Variants in NTM observed in about 807,000 individuals in gnomAD.
NTM encodes neurotrimin, also known as IgLON family member 2.
NTM carries 13 observed loss-of-function variants against 42.1 expected under a neutral mutation model. The ratio of observed to expected loss-of-function variants is 0.31; its 90% CI spans 0.20 to 0.49. The LOEUF is 0.49. Among genes scored for constraint, NTM ranks in the 20% least tolerant of loss-of-function variants. The pLI is 0.99. For synonymous variants in NTM, 187 were observed against 179.2 expected (o/e 1.04, Z -0.35); for missense variants, 373 against 452.8 (o/e 0.82, Z 1.60).
At chr11:131,500,571 A>T (rs1591841361) in intron 1 of NTM, among the ~76,000 whole-genome samples, 1 of 85,328 alleles carries the variant, frequency 1.2e-5, no homozygotes, top group African/African-American at 4.1e-5. Flanking sequence ...ATATATATAT[A>T]TATATATTTT....
intron 1 of NTM, among the ~76,000 whole-genome samples, chr11:131,682,340 A>G (rs1269853064): frequency 1.3e-5 from 2 of 152,174 alleles, no homozygotes; most frequent in Non-Finnish European, 2.9e-5. Context: ...CTGTACAAAA[A>G]CAGCAGCTGT....
At chr11:131,621,203 A>G (rs2062495787) in intron 1 of NTM, among the ~76,000 whole-genome samples, 1 of 152,222 alleles carries the variant, frequency 6.6e-6, no homozygotes, top group Admixed American at 6.5e-5. Context: ...ACGTCTGTGT[A>G]TTCACTGGCC....
intron 1 of NTM, among the ~76,000 whole-genome samples, chr11:131,692,236 G>A (rs1346401248): frequency 6.6e-6 from 1 of 152,118 alleles, no homozygotes; most frequent in Non-Finnish European, 1.5e-5. Flanking sequence ...CAGACCTCTG[G>A]GTGATGCTGG....
Position 132,335,131 on chromosome 11 carries a change from G to A in NTM, c.1053G>A (p.Leu351=), listed in dbSNP as rs187818748. Residue 351 remains leucine, a synonymous_variant, in exon 9 of 9, where the codon CTG becomes CTA. Coordinates refer to ENST00000683400, the MANE Select transcript of NTM (RefSeq NM_001352005.2). ...TGCTGCCTCTTCTGGTCTTGCACCTGCTTCTCAAATTTTGATGTGAGTGCC... is the reference window on the plus strand; with the variant it reads ...TGCTGCCTCTTCTGGTCTTGCACCTACTTCTCAAATTTTGATGTGAGTGCC... ...VWLLPLLVLH[L]LLKF 44 of 1,612,508 alleles carry A rather than the reference G, an allele frequency of 2.7e-5. No individual in the cohort carries two copies. Among genetic ancestry groups the A allele is most frequent in the Non-Finnish European group, 3.6e-5 (42 of 1,179,982 alleles).
At chr11:131,726,864 C>T (rs1167404440) in intron 1 of NTM, among the ~76,000 whole-genome samples, 1 of 151,296 alleles carries the variant, frequency 6.6e-6, no homozygotes, top group Admixed American at 6.6e-5. Flanking sequence ...CAGGTGTGCA[C>T]CACCATGCAT....
chr11:131,541,273 C>A (rs2053207800), intron 1 of NTM, among the ~76,000 whole-genome samples: 1 of 152,178 alleles, frequency 6.6e-6, no homozygotes, highest in African/African-American at 2.4e-5. Context: ...TCATCCCGAA[C>A]CCAGCACTAA....
chr11:132,272,180 C>T (rs1015510866), intron 4 of NTM, among the ~76,000 whole-genome samples: 2 of 152,102 alleles, frequency 1.3e-5, no homozygotes, highest in Non-Finnish European at 2.9e-5. Context: ...ATCATTTGAT[C>T]ATAACTGTGG....
chr11:131,640,902 G>C (rs1012749570), intron 1 of NTM, among the ~76,000 whole-genome samples: 1 of 152,130 alleles, frequency 6.6e-6, no homozygotes, highest in African/African-American at 2.4e-5. Context: ...TGCTCACCAG[G>C]CTACAGAATT....
chr11:132,061,854 T>C (rs144988812), intron 2 of NTM, among the ~76,000 whole-genome samples: 1,995 of 152,268 alleles, frequency 0.013, 22 homozygotes, highest in Non-Finnish European at 0.022. Flanking sequence ...CTCCATTTTT[T>C]AAAGATTTTT....
At chr11:131,968,316 CAG>C (rs2063097171) in intron 2 of NTM, among the ~76,000 whole-genome samples, 1 of 152,164 alleles carries the variant, frequency 6.6e-6, no homozygotes. Context: ...TCTCTGGAGA[CAG>C]AGGGACCATG....
At chr11:131,399,378 A>G (rs1458014493) in intron 1 of NTM, among the ~76,000 whole-genome samples, 1 of 152,160 alleles carries the variant, frequency 6.6e-6, no homozygotes, top group Non-Finnish European at 1.5e-5. Context: ...GGGCTCTACA[A>G]CCCAAAAGAA....
At chr11:132,065,033 G>A (rs556997426) in intron 2 of NTM, among the ~76,000 whole-genome samples, 2 of 152,294 alleles carry the variant, frequency 1.3e-5, no homozygotes, top group African/African-American at 4.8e-5. Context: ...ACAGGAAGAG[G>A]TTAGGGGAAT....
In NTM at chr11:132,330,293, G is replaced by A. The variant is rs559399088; in HGVS notation, c.967+108G>A. The A allele has an allele frequency of 1.5e-3, 1,875 of 1,288,876 alleles. 3 individuals carry two copies. The highest frequency in any genetic ancestry group is 1.8e-3 in the Non-Finnish European group (1,694 of 930,698). 79.8% of individuals were successfully genotyped at this position (1,288,876 alleles called of 1,614,324 possible). The stretch of plus-strand genomic sequence containing the variant: ...TCCTGAGCTAACTCCAGGAAGCAGC[G>A]CAGAGGGAACCCTCCCCCAACCTTC... On this transcript the variant is annotated intron_variant, in intron 8 of 8. Transcript: ENST00000683400.
intron 4 of NTM, among the ~76,000 whole-genome samples, chr11:132,285,394 TGAA>T (rs1034761938): frequency 6.6e-6 from 1 of 152,154 alleles, no homozygotes; most frequent in Non-Finnish European, 1.5e-5. Flanking sequence ...ATGCACATCT[TGAA>T]GAAGGAGGAA....
intron 2 of NTM, among the ~76,000 whole-genome samples, chr11:132,115,095 A>T (rs572324861): frequency 6.6e-6 from 1 of 152,342 alleles, no homozygotes; most frequent in East Asian, 1.9e-4. Context: ...GTTGATCTAG[A>T]AAAATCCAAC....
chr11:131,485,357 A>C (rs910751493), intron 1 of NTM, among the ~76,000 whole-genome samples: 9 of 152,238 alleles, frequency 5.9e-5, no homozygotes, highest in African/African-American at 2.2e-4. Context: ...GAGATGCGAG[A>C]GAGGCCCTTC....
intron 1 of NTM, among the ~76,000 whole-genome samples, chr11:131,869,129 C>T (rs1186289987): frequency 6.6e-6 from 1 of 152,122 alleles, no homozygotes; most frequent in Non-Finnish European, 1.5e-5. Context: ...ATCCTCAACT[C>T]TCAATTGAGA....
intron 1 of NTM, among the ~76,000 whole-genome samples, chr11:131,883,924 G>A (rs1365002503): frequency 1.3e-5 from 2 of 152,168 alleles, no homozygotes; most frequent in Admixed American, 6.5e-5. Context: ...TTTTATTAAA[G>A]GGATGCATGT....
chr11:132,192,838 G>A (rs2079531632), intron 3 of NTM, among the ~76,000 whole-genome samples: 1 of 152,130 alleles, frequency 6.6e-6, no homozygotes, highest in African/African-American at 2.4e-5. Flanking sequence ...ATGAAAAAGA[G>A]TAGGGGTCGC....
Sources: gnomAD v4.1 joint callset for allele counts (sites outside exome capture counted in the v4.1 genomes callset) on GRCh38, gnomAD v4.1.1 for gene constraint, MANE v1.5 for transcripts, NCBI Gene and HGNC (gene_info 2026-07-23, HGNC 2026-07-21) for gene names.